Variants in MBTD1 observed in about 807,000 individuals in gnomAD.
MBTD1 encodes the protein MBT domain-containing protein 1.
In MBTD1, 24 loss-of-function variants were observed where a neutral mutation model predicts 87.8. The observed-to-expected ratio is 0.27, with a 90% CI of 0.20 to 0.38. MBTD1 has a LOEUF of 0.38. Among genes scored for constraint, MBTD1 ranks in the 10% least tolerant of loss-of-function variants. MBTD1 has a pLI of 1.00. For missense variants in MBTD1, 436 were observed against 760.2 expected, an observed-to-expected ratio of 0.57 and a Z score of 5.02; for synonymous variants, 237 against 248.6, an observed-to-expected ratio of 0.95 and a Z score of 0.44.
intron 2 of MBTD1, among the ~76,000 whole-genome samples, chr17:51,253,960 A>C (rs1257146318): frequency 6.6e-6 from 1 of 152,218 alleles, no homozygotes; most frequent in Non-Finnish European, 1.5e-5. Context: ...GGAGCCAAGT[A>C]ATATTAATAA....
intron 2 of MBTD1, among the ~76,000 whole-genome samples, chr17:51,230,483 G>A (rs913156932): frequency 6.6e-6 from 1 of 152,158 alleles, no homozygotes; most frequent in Non-Finnish European, 1.5e-5. Flanking sequence ...AAGACTGTAA[G>A]CTACTGGTAG....
chr17:51,204,013 T>C (rs1300472322), intron 7 of MBTD1, 88 bp from the exon 8 acceptor site: 1 of 1,017,890 alleles, frequency 9.8e-7, no homozygotes, highest in African/African-American at 1.6e-5. Context: ...CAAACTAGTG[T>C]CTATCTGCAA....
At chr17:51,206,636 T>C (rs2051855197) in intron 7 of MBTD1, among the ~76,000 whole-genome samples, 1 of 152,172 alleles carries the variant, frequency 6.6e-6, no homozygotes, top group Non-Finnish European at 1.5e-5. Context: ...ATCATGTCCA[T>C]TTGTTTATGT....
chr17:51,260,516 C>A (rs1164325559), upstream of MBTD1: 15 of 1,482,802 alleles, frequency 1.0e-5, no homozygotes, highest in South Asian at 4.1e-5. Context: ...GGCGGCGGCC[C>A]GCGAGGGGCC....
rs1035692557 is a variant in MBTD1 at position 51,178,370 on chromosome 17, A to G, written c.*2206T>C. 7 of 152,242 alleles carry G rather than the reference A, an allele frequency of 4.6e-5. No individual in the cohort carries two copies. Among genetic ancestry groups the G allele is most frequent in the African/African-American group, 1.7e-4 (7 of 41,472 alleles). 9.4% of individuals were successfully genotyped at this position (152,242 alleles called of 1,614,324 possible). A position where few individuals can be genotyped will look rare whatever the true frequency, so the allele number is the denominator to read the frequency against. On this transcript the variant is annotated 3_prime_UTR_variant, in exon 17 of 17. Coordinates refer to ENST00000586178, the MANE Select transcript of MBTD1 (RefSeq NM_017643.3). ...AACACTTCATGAATTAGGAAATTCT[A>G]AAACACTCAGAGCCTGGGTTTGCTA...
At chr17:51,218,043 T>C (rs1164546498) in intron 5 of MBTD1, among the ~76,000 whole-genome samples, 1 of 152,198 alleles carries the variant, frequency 6.6e-6, no homozygotes, top group Non-Finnish European at 1.5e-5. Flanking sequence ...TTATTTCCAT[T>C]CAGTTCTTGC....
chr17:51,230,816 G>A (rs2053508007), intron 2 of MBTD1, among the ~76,000 whole-genome samples: 1 of 152,142 alleles, frequency 6.6e-6, no homozygotes, highest in Admixed American at 6.6e-5. Context: ...TGGAGGCAAT[G>A]GGAAGACATT....
chr17:51,221,310 C>CA (rs2052875636), intron 3 of MBTD1, among the ~76,000 whole-genome samples: 1 of 151,976 alleles, frequency 6.6e-6, no homozygotes, highest in African/African-American at 2.4e-5. Flanking sequence ...AAACAAAAAA[C>CA]AAAACAAAAC....
At chr17:51,245,357 T>C (rs1162561698) in intron 2 of MBTD1, among the ~76,000 whole-genome samples, 1 of 152,252 alleles carries the variant, frequency 6.6e-6, no homozygotes. Flanking sequence ...ATTTTGCACA[T>C]GAAGCTTTTC....
intron 16 of MBTD1, chr17:51,185,350 C>G (rs887498167): frequency 2.6e-5 from 4 of 152,224 alleles, no homozygotes; most frequent in African/African-American, 4.8e-5. Context: ...AGTTCTCATG[C>G]CCTATGATAA....
At position 51,218,981 on chromosome 17, in the gene MBTD1, C is replaced by T. The variant is rs1275909657; in HGVS notation, c.352G>A (p.Ala118Thr). 5 of 1,551,302 alleles carry T rather than the reference C, an allele frequency of 3.2e-6. No individual in the cohort carries two copies. Among genetic ancestry groups the T allele is most frequent in the Non-Finnish European group, 3.5e-6 (4 of 1,146,740 alleles). The change falls in exon 5 of 17, where the codon GCA becomes ACA. Residue 118 changes from alanine to threonine, a missense_variant. Transcript: ENST00000586178. ...QKQPLVAKLA[A>T]YAQYQATLQN... The stretch of plus-strand genomic sequence containing the variant: ...AAGGTAGCTTGATACTGAGCATATG[C>T]GGCTAGCTTAGCAACTAAAGGTTGT...
intron 6 of MBTD1, 89 bp downstream of exon 6, chr17:51,217,245 C>G: frequency 1.5e-6 from 1 of 679,228 alleles, no homozygotes; most frequent in South Asian, 2.1e-5. Context: ...CAAACACCTT[C>G]TAAGGATAAG....
intron 2 of MBTD1, among the ~76,000 whole-genome samples, chr17:51,234,400 CAAAAAAAA>C (rs71149356): frequency 4.4e-5 from 3 of 68,676 alleles, no homozygotes; most frequent in South Asian, 5.6e-4. Context: ...TCCCCGTCTC[CAAAAAAAA>C]AAAAAAAAAA....
chr17:51,260,487 C>G (rs1278848549), upstream of MBTD1: 1 of 1,353,356 alleles, frequency 7.4e-7, no homozygotes, highest in Non-Finnish European at 9.9e-7. Context: ...AGGCTCCTTC[C>G]GGCCCCCGGG....
chr17:51,260,786 G>A (rs2055436249), upstream of MBTD1: 3 of 1,579,176 alleles, frequency 1.9e-6, no homozygotes, highest in Non-Finnish European at 2.6e-6. Flanking sequence ...GGCGGCGGAG[G>A]AAGAGAGACG....
At chr17:51,181,770 GTGCC>G (rs2050323478) in intron 16 of MBTD1, among the ~76,000 whole-genome samples, 1 of 152,218 alleles carries the variant, frequency 6.6e-6, no homozygotes, top group Admixed American at 6.5e-5. Flanking sequence ...TCAAAGCTGA[GTGCC>G]TGCCTGAGTT....
At chr17:51,207,767 G>C (rs1004225820) in intron 6 of MBTD1, among the ~76,000 whole-genome samples, 12 of 152,072 alleles carry the variant, frequency 7.9e-5, no homozygotes, top group Admixed American at 3.3e-4. Flanking sequence ...CCAAAGTATT[G>C]TTTCCATTAT....
rs996439159 is a variant in MBTD1, at chr17:51,235,698, C to G, written c.-48-10489G>C. 5.9e-4 allele frequency among the ~76,000 whole-genome samples: 89 copies of G among 152,134 alleles called. 4 individuals are homozygous for G. Among genetic ancestry groups the G allele is most frequent in the Non-Finnish European group, 1.5e-5 (1 of 68,028 alleles). On this transcript the variant is annotated intron_variant, in intron 2 of 16. Transcript: ENST00000586178. ...AGGAAGACGTACTATGTTCATGGAT[C>G]AGAAAAATTAACATTATTAAAATGT...
intron 6 of MBTD1, among the ~76,000 whole-genome samples, chr17:51,211,776 G>A (rs772464346): frequency 1.3e-5 from 2 of 149,724 alleles, no homozygotes; most frequent in East Asian, 2.0e-4. Flanking sequence ...GTGGGGTCAC[G>A]ACTAGGGAAA....
Sources: gnomAD v4.1 joint callset for allele counts (sites outside exome capture counted in the v4.1 genomes callset) on GRCh38, gnomAD v4.1.1 for gene constraint, MANE v1.5 for transcripts, NCBI Gene and HGNC (gene_info 2026-07-23, HGNC 2026-07-21) for gene names.